Variants in GUCY1A2 observed in about 807,000 individuals in gnomAD.
GUCY1A2 encodes the protein guanylate cyclase 1 soluble subunit alpha 2.
GUCY1A2 carries 27 observed loss-of-function variants against 63.5 expected under a neutral mutation model. The observed-to-expected ratio is 0.43, with a 90% CI of 0.31 to 0.59. The LOEUF (loss-of-function observed/expected upper bound fraction) is 0.59, where lower values mean the gene tolerates loss of function less well. Among genes scored for constraint, GUCY1A2 ranks in the 20% least tolerant of loss-of-function variants. GUCY1A2 has a pLI of 0.11. For missense variants in GUCY1A2, 768 were observed against 913.3 expected (o/e 0.84, Z 2.05); for synonymous variants, 364 against 343.5 (o/e 1.06, Z -0.66).
At chr11:106,995,357 A>C (rs1459545389) in intron 1 of GUCY1A2, among the ~76,000 whole-genome samples, 2 of 152,194 alleles carry the variant, frequency 1.3e-5, no homozygotes, top group Non-Finnish European at 2.9e-5. Flanking sequence ...AACTTGCCCA[A>C]AGTCACTTAG....
At chr11:106,727,467 T>G (rs1305300254) in intron 6 of GUCY1A2, among the ~76,000 whole-genome samples, 1 of 152,208 alleles carries the variant, frequency 6.6e-6, no homozygotes, top group Admixed American at 6.5e-5. Context: ...TGACATGAAC[T>G]TCTCCATTAG....
intron 6 of GUCY1A2, among the ~76,000 whole-genome samples, chr11:106,719,475 CAA>C (rs1863276254): frequency 6.6e-6 from 1 of 151,988 alleles, no homozygotes; most frequent in African/African-American, 2.4e-5. Flanking sequence ...AGAGAAAAAA[CAA>C]TGCATTTGAC....
At chr11:106,713,924 T>G (rs1277393657) in intron 6 of GUCY1A2, among the ~76,000 whole-genome samples, 1 of 151,950 alleles carries the variant, frequency 6.6e-6, no homozygotes, top group African/African-American at 2.4e-5. Flanking sequence ...GACTGTCCGT[T>G]TGAGATTCTA....
chr11:106,902,982 C>G (rs1162941793), intron 4 of GUCY1A2, among the ~76,000 whole-genome samples: 2 of 152,102 alleles, frequency 1.3e-5, no homozygotes, highest in East Asian at 3.8e-4. Context: ...GTACATGCCT[C>G]TTGATTATGA....
In GUCY1A2 at chr11:106,680,254, G is replaced by T. The variant is rs1405968858; in HGVS notation, c.*7295C>A. 4.8e-6 allele frequency: 1 copy of T among 209,168 alleles called. No homozygotes were observed. The highest frequency in any genetic ancestry group is 5.9e-5 in the Admixed American group (1 of 16,906). The allele number at this position is 209,168 out of a possible 1,614,324, so 13.0% of individuals were successfully genotyped here. A position where few individuals can be genotyped will look rare whatever the true frequency, so the allele number is the denominator to read the frequency against. On this transcript the variant is annotated 3_prime_UTR_variant, in exon 8 of 8. Coordinates refer to ENST00000526355, the MANE Select transcript of GUCY1A2 (RefSeq NM_000855.3). The stretch of plus-strand genomic sequence containing the variant: ...TGAAGAAACAATTTTGCACATTCCT[G>T]ATTTTATTTCAGTTATTACTTTCCT...
chr11:106,883,705 A>T (rs1344871692), intron 4 of GUCY1A2, among the ~76,000 whole-genome samples: 1 of 152,176 alleles, frequency 6.6e-6, no homozygotes, highest in Non-Finnish European at 1.5e-5. Flanking sequence ...CAAAGATAAG[A>T]GGCTAAAAGT....
In GUCY1A2 at chr11:106,678,461, T is replaced by C. The variant is rs1862381722; in HGVS notation, c.*9088A>G. 6 of 213,310 alleles carry C rather than the reference T, an allele frequency of 2.8e-5. No homozygotes were observed. Among genetic ancestry groups the C allele is most frequent in the Admixed American group, 5.9e-5 (1 of 17,074 alleles). 13.2% of individuals were successfully genotyped at this position (213,310 alleles called of 1,614,324 possible). ...AAGTGGTTAGATACATAAATATTGA[T>C]CCAGATTGCCCAAACCTCAGAAGAA... On this transcript the variant is annotated 3_prime_UTR_variant, in exon 8 of 8. Transcript: ENST00000526355.
rs528070428 is a variant in GUCY1A2, at chr11:106,786,428, C to T, written c.1693-9846G>A. On this transcript the variant is annotated intron_variant, in intron 5 of 7. Transcript: ENST00000526355. ...ACAGTGATTTGGCCTGGGAACTACT[C>T]CCAAATGAAGGAAAATGGATTCCAA... Among the ~76,000 whole-genome samples, 10 of 152,234 alleles carry T rather than the reference C, an allele frequency of 6.6e-5. No homozygotes were observed. In the South Asian group the frequency reaches 2.1e-3, roughly 32 times the overall value.
intron 4 of GUCY1A2, among the ~76,000 whole-genome samples, chr11:106,895,705 T>C (rs1170029871): frequency 1.3e-5 from 2 of 152,174 alleles, no homozygotes; most frequent in African/African-American, 4.8e-5. Context: ...CAGGTATGTC[T>C]TTCTTAGCAG....
chr11:106,939,797 G>A lies in GUCY1A2; in HGVS notation c.869C>T (p.Thr290Ile), dbSNP rs1462327182. 2 of 1,613,848 alleles carry A rather than the reference G, an allele frequency of 1.2e-6. No individual in the cohort carries two copies. Among genetic ancestry groups the A allele is most frequent in the Non-Finnish European group, 8.5e-7 (1 of 1,179,704 alleles). The change falls in exon 4 of 8, where the codon ACT (threonine) becomes ATT (isoleucine). Residue 290 changes from threonine (T) to isoleucine (I), a missense_variant. Physicochemically the swap from Thr to Ile is moderately conservative, Grantham distance 89. Around this residue, in one of 3 missense-constraint regions of GUCY1A2, gnomAD observed 496 missense variants for 486.9 expected, o/e 1.02. Coordinates refer to ENST00000526355, the MANE Select transcript of GUCY1A2 (RefSeq NM_000855.3). ...VSNPGNCSCLTFLIKECENTN... is the reference protein window; with the variant it reads ...VSNPGNCSCLIFLIKECENTN... Reference sequence around the variant, plus strand: ...ATTTTCACATTCTTTGATAAGGAAAGTAAGACAGCTACAATTGCCTGGGTT... The same window carrying A: ...ATTTTCACATTCTTTGATAAGGAAAATAAGACAGCTACAATTGCCTGGGTT...
At chr11:106,689,921 G>A (rs148443162) in intron 7 of GUCY1A2, among the ~76,000 whole-genome samples, 8,175 of 151,706 alleles carry the variant, frequency 0.054, 270 homozygotes, top group African/African-American at 0.083. Context: ...CTTGAACCGG[G>A]AGGTGGAGGT....
chr11:106,715,157 C>T (rs1863192523), intron 6 of GUCY1A2, among the ~76,000 whole-genome samples: 1 of 152,242 alleles, frequency 6.6e-6, no homozygotes, highest in South Asian at 2.1e-4. Flanking sequence ...CAGTTATTCT[C>T]ACAATATTCT....
At chr11:106,951,280 T>C (rs575008749) in intron 3 of GUCY1A2, among the ~76,000 whole-genome samples, 2 of 152,328 alleles carry the variant, frequency 1.3e-5, no homozygotes, top group East Asian at 3.9e-4. Context: ...CTGGGTCAAA[T>C]GGTATTTCTG....
At chr11:106,761,965 A>G (rs1864073826) in intron 6 of GUCY1A2, among the ~76,000 whole-genome samples, 1 of 152,172 alleles carries the variant, frequency 6.6e-6, no homozygotes, top group South Asian at 2.1e-4. Context: ...CATAGAGCAC[A>G]GTGTGATCAC....
Position 106,686,419 on chromosome 11 carries a change from T to C in GUCY1A2, c.*1130A>G, listed in dbSNP as rs919511424. ...ACCTCAAAGCCATAAAATACAGAGG[T>C]TTCCTTGCTTTGTGTTGTACAAGAA... On this transcript the variant is annotated 3_prime_UTR_variant, in exon 8 of 8. Coordinates refer to ENST00000526355, the MANE Select transcript of GUCY1A2 (RefSeq NM_000855.3). 13 of 218,980 alleles carry C rather than the reference T, an allele frequency of 5.9e-5. No individual in the cohort carries two copies. Among genetic ancestry groups the C allele is most frequent in the African/African-American group, 2.7e-4 (12 of 44,638 alleles). 13.6% of individuals were successfully genotyped at this position (218,980 alleles called of 1,614,324 possible). A position where few individuals can be genotyped will look rare whatever the true frequency, so the allele number is the denominator to read the frequency against.
chr11:106,723,040 T>C (rs766340492), intron 6 of GUCY1A2, among the ~76,000 whole-genome samples: 7 of 152,176 alleles, frequency 4.6e-5, no homozygotes, highest in African/African-American at 7.2e-5. Context: ...ATAGTTATTT[T>C]GATATATTTT....
chr11:106,739,920 TC>T (rs1204606297), intron 6 of GUCY1A2, among the ~76,000 whole-genome samples: 4 of 151,304 alleles, frequency 2.6e-5, no homozygotes, highest in African/African-American at 9.7e-5. Flanking sequence ...TCCTCAGAGG[TC>T]CCTAGCAGCA....
At chr11:106,898,583 G>A (rs542620355) in intron 4 of GUCY1A2, among the ~76,000 whole-genome samples, 2 of 152,086 alleles carry the variant, frequency 1.3e-5, no homozygotes, top group Admixed American at 6.5e-5. Flanking sequence ...ATAATTAAAT[G>A]AAAGAACTCA....
intron 6 of GUCY1A2, among the ~76,000 whole-genome samples, chr11:106,720,351 C>T (rs1352945437): frequency 6.6e-6 from 1 of 152,156 alleles, no homozygotes; most frequent in Non-Finnish European, 1.5e-5. Flanking sequence ...ATTCCAGAAG[C>T]CCTTGCAGCA....
Sources: gnomAD v4.1 joint callset for allele counts (sites outside exome capture counted in the v4.1 genomes callset) on GRCh38, gnomAD v4.1.1 for gene constraint, gnomAD v4.1.1 regional missense constraint, MANE v1.5 for transcripts, NCBI Gene and HGNC (gene_info 2026-07-23, HGNC 2026-07-21) for gene names.